TRMT11: variants seen among roughly 807,000 people sequenced by gnomAD.
TRMT11 encodes the protein tRNA (guanine(10)-N(2))-methyltransferase TRMT11.
Under a neutral mutation model 62.8 loss-of-function variants are expected in TRMT11, and 53 were observed. The observed-to-expected ratio is 0.84, with a 90% CI of 0.68 to 1.06. TRMT11 has a LOEUF of 1.06. Among genes scored for constraint, TRMT11 ranks in the 50% least tolerant of loss-of-function variants. TRMT11 has a pLI of 0.00. For synonymous variants in TRMT11, 188 were observed against 190.3 expected (o/e 0.99, Z 0.10); for missense variants, 556 against 553.4 (o/e 1.00, Z -0.05).
At chr6:126,055,722 C>G (rs899248654) in intron 17 of TRMT11, among the ~76,000 whole-genome samples, 1 of 152,010 alleles carries the variant, frequency 6.6e-6, no homozygotes, top group African/African-American at 2.4e-5. Context: ...ATGACTAAAC[C>G]CGTTTCTTTG....
At chr6:126,140,588 G>C (rs981917433) in intron 21 of TRMT11, among the ~76,000 whole-genome samples, 1 of 151,980 alleles carries the variant, frequency 6.6e-6, no homozygotes, top group South Asian at 2.1e-4. Flanking sequence ...AGCTGATTTT[G>C]ATGATTTTTC....
At position 126,162,007 on chromosome 6, in the gene TRMT11, G is replaced by A. The variant is rs554910284; in HGVS notation, c.*1824-12818G>A. Among the ~76,000 whole-genome samples, 38 of 152,216 alleles carry A rather than the reference G, an allele frequency of 2.5e-4. 2 individuals are homozygous for A. In the South Asian group the frequency reaches 7.9e-3, roughly 32 times the overall value. On this transcript the variant is annotated intron_variant and NMD_transcript_variant, in intron 21 of 22. Transcript: ENST00000648977. ...TGCAAAAATTTTCTCCCATTCTGTG[G>A]GTTGCCTATTCACTTTGATGATAGT...
the TRMT11 span, among the ~76,000 whole-genome samples, chr6:126,258,629 A>G: frequency 2.6e-5 from 4 of 152,198 alleles, no homozygotes; most frequent in African/African-American, 9.7e-5. Context: ...CCAGGAACTT[A>G]TCCATTTCTT....
chr6:126,125,472 A>G (rs755856172), intron 21 of TRMT11, among the ~76,000 whole-genome samples: 1 of 152,090 alleles, frequency 6.6e-6, no homozygotes, highest in Non-Finnish European at 1.5e-5. Context: ...TTAATATAAT[A>G]ATAATTGGCT....
intron 7 of TRMT11, among the ~76,000 whole-genome samples, chr6:126,003,041 T>A (rs908603611): frequency 1.6e-4 from 24 of 152,106 alleles, no homozygotes; most frequent in Admixed American, 1.3e-3. Flanking sequence ...TGTACCGTAA[T>A]TTATTCAAAC....
intron 21 of TRMT11, among the ~76,000 whole-genome samples, chr6:126,131,149 C>T (rs1029248416): frequency 2.6e-5 from 4 of 152,032 alleles, no homozygotes; most frequent in African/African-American, 9.7e-5. Context: ...TTAAAAAAAT[C>T]TACCACAGAA....
At position 126,055,220 on chromosome 6, in the gene TRMT11, C is replaced by T. The variant is rs539854612; in HGVS notation, c.*1437+2030C>T. Among the ~76,000 whole-genome samples, 3 of 152,312 alleles carry T rather than the reference C, an allele frequency of 2.0e-5. No individual in the cohort carries two copies. In the East Asian group the frequency reaches 5.8e-4, roughly 29 times the overall value. ...GCTGAACTGATCCCCTTGCCTCGGC[C>T]TCCCAAAGTGCTATGATTACAGGCA... On this transcript the variant is annotated intron_variant and NMD_transcript_variant, in intron 17 of 22. Coordinates refer to the TRMT11 transcript ENST00000648977.
chr6:126,140,570 A>ATTC (rs752056615), intron 21 of TRMT11, among the ~76,000 whole-genome samples: 43 of 152,200 alleles, frequency 2.8e-4, no homozygotes, highest in African/African-American at 9.1e-4. Context: ...TGTTTTAAAA[A>ATTC]TTCTTTGAGC....
At chr6:126,230,958 A>G in the TRMT11 span, among the ~76,000 whole-genome samples, 1 of 152,348 alleles carries the variant, frequency 6.6e-6, no homozygotes, top group East Asian at 1.9e-4. Flanking sequence ...CTATTGTTAA[A>G]AATAATGAAG....
chr6:126,172,194 T>C (rs1778337472), upstream of TRMT11, among the ~76,000 whole-genome samples: 1 of 152,198 alleles, frequency 6.6e-6, no homozygotes, highest in South Asian at 2.1e-4. Flanking sequence ...TCAGTTTTCA[T>C]GTCCTGAATT....
intron 17 of TRMT11, among the ~76,000 whole-genome samples, chr6:126,101,075 T>G (rs1037419185): frequency 2.6e-5 from 4 of 152,184 alleles, no homozygotes; most frequent in African/African-American, 9.6e-5. Context: ...TGGGGAGCAG[T>G]TATAAATACA....
chr6:125,990,618 T>C (rs2128733637), intron 1 of TRMT11, among the ~76,000 whole-genome samples: 1 of 152,348 alleles, frequency 6.6e-6, no homozygotes, highest in South Asian at 2.1e-4. Flanking sequence ...TTCAATTAGA[T>C]GGCCAGCTTT....
chr6:125,992,765 C>T (rs1426664086), intron 1 of TRMT11, among the ~76,000 whole-genome samples: 2 of 152,200 alleles, frequency 1.3e-5, no homozygotes, highest in Middle Eastern at 3.2e-3. Flanking sequence ...TTTGTGTTTT[C>T]CTTGCTGCAA....
intron 21 of TRMT11, among the ~76,000 whole-genome samples, chr6:126,141,613 T>G (rs1285520367): frequency 2.0e-5 from 3 of 152,160 alleles, no homozygotes; most frequent in African/African-American, 7.2e-5. Context: ...GAACCTGAAC[T>G]ATATATTCTG....
chr6:126,184,243 T>C (rs1030470743), intron 1 of TRMT11, among the ~76,000 whole-genome samples: 1 of 152,152 alleles, frequency 6.6e-6, no homozygotes, highest in Non-Finnish European at 1.5e-5. Context: ...CTCTCAAAAA[T>C]TGTACTTTGA....
chr6:125,986,790 G>A, intron 1 of TRMT11, 168 bp downstream of exon 1: 1 of 623,940 alleles, frequency 1.6e-6, no homozygotes, highest in Middle Eastern at 3.9e-4. Context: ...TTGGCGGAGG[G>A]TGTGTGTGAG....
At position 126,103,881 on chromosome 6, in the gene TRMT11, AG is replaced by A. The variant is rs563585662; in HGVS notation, c.*1438-8984del. Among the ~76,000 whole-genome samples the A allele has an allele frequency of 1.3e-4, 20 of 152,292 alleles. No individual in the cohort carries two copies. In the East Asian group the frequency reaches 3.3e-3, roughly 25 times the overall value. On this transcript the variant is annotated intron_variant and NMD_transcript_variant, in intron 17 of 22. Coordinates refer to the TRMT11 transcript ENST00000648977. ...TGCTATATTCTGTTGATTGGAAGCA[AG>A]TCACAAGTCTTACCTAATCTGAAGG...
rs190883339 is a variant in TRMT11 at position 126,052,823 on chromosome 6, C to T, written c.*1370-300C>T. Among the ~76,000 whole-genome samples, 557 of 152,300 alleles carry T rather than the reference C, an allele frequency of 3.7e-3. 2 individuals are homozygous for T. Among genetic ancestry groups the T allele is most frequent in the Non-Finnish European group, 4.1e-3 (280 of 68,020 alleles). On this transcript the variant is annotated intron_variant and NMD_transcript_variant, in intron 16 of 22. Transcript: ENST00000648977. ...GTTTTCTCTCTTAGTTTTGGAGAAA[C>T]AGATCAAGAACCTGAAAACAGGAGA... is the stretch of plus-strand genomic sequence containing the variant.
chr6:126,129,559 C>A (rs12190257), intron 21 of TRMT11, among the ~76,000 whole-genome samples: 38,289 of 151,826 alleles, frequency 0.25, 5,269 homozygotes, highest in Middle Eastern at 0.37. Context: ...GTCTCCCACT[C>A]TTGCCCAGGC....
Sources: gnomAD v4.1 joint callset for allele counts (sites outside exome capture counted in the v4.1 genomes callset) on GRCh38, gnomAD v4.1.1 for gene constraint, MANE v1.5 for transcripts, NCBI Gene and HGNC (gene_info 2026-07-23, HGNC 2026-07-21) for gene names.